CSTPP1: variants seen among roughly 807,000 people sequenced by gnomAD.
The protein encoded by CSTPP1 is UPF0705 protein C11orf49.
chr11:47,086,806 G>T, the CSTPP1 span, among the ~76,000 whole-genome samples: 1 of 152,200 alleles, frequency 6.6e-6, no homozygotes, highest in Non-Finnish European at 1.5e-5. Flanking sequence ...TGATAACTGT[G>T]AAGGGGGTGA....
At chr11:47,161,713 T>C in the CSTPP1 span, 1 of 1,518,042 alleles carries the variant, frequency 6.6e-7, no homozygotes, top group Non-Finnish European at 8.8e-7. Flanking sequence ...CCCAGCCTCC[T>C]CTCCAGCACC....
the CSTPP1 span, chr11:47,162,288 A>AG: frequency 4.1e-6 from 4 of 983,454 alleles, no homozygotes; most frequent in Non-Finnish European, 4.8e-6. Context: ...GAGAAGGGAG[A>AG]GGGGGAGTTT....
chr11:47,134,833 A>C, the CSTPP1 span, among the ~76,000 whole-genome samples: 1 of 152,182 alleles, frequency 6.6e-6, no homozygotes, highest in Admixed American at 6.5e-5. Context: ...TTAGGTGTTT[A>C]AGTGTCCAAA....
At chr11:47,142,133 C>T in the CSTPP1 span, among the ~76,000 whole-genome samples, 3 of 151,086 alleles carry the variant, frequency 2.0e-5, no homozygotes, top group Non-Finnish European at 2.9e-5. Context: ...GTCCCAGCTA[C>T]TTGGGAGCCT....
chr11:47,042,754 T>C, the CSTPP1 span, among the ~76,000 whole-genome samples: 1 of 152,178 alleles, frequency 6.6e-6, no homozygotes, highest in African/African-American at 2.4e-5. Context: ...TTTAAGATAT[T>C]TTTAGGAACT....
chr11:47,144,577 G>A, the CSTPP1 span, among the ~76,000 whole-genome samples: 1 of 152,136 alleles, frequency 6.6e-6, no homozygotes, highest in East Asian at 1.9e-4. Context: ...GGTTTCCAAA[G>A]GCAATGCTTC....
chr11:47,076,362 A>G, the CSTPP1 span, among the ~76,000 whole-genome samples: 1 of 152,230 alleles, frequency 6.6e-6, no homozygotes, highest in Non-Finnish European at 1.5e-5. Context: ...TAGGAGTTGC[A>G]CAATGAAATG....
At chr11:47,044,386 G>A in the CSTPP1 span, among the ~76,000 whole-genome samples, 3 of 151,854 alleles carry the variant, frequency 2.0e-5, no homozygotes, top group African/African-American at 4.8e-5. Context: ...ATATACATGT[G>A]TATTTCTTGA....
the CSTPP1 span, among the ~76,000 whole-genome samples, chr11:46,983,145 T>C: frequency 6.6e-6 from 1 of 152,202 alleles, no homozygotes; most frequent in African/African-American, 2.4e-5. Flanking sequence ...TTGAATGCTT[T>C]CTAAAGAAGT....
At chr11:47,049,857 G>A in the CSTPP1 span, among the ~76,000 whole-genome samples, 6 of 152,012 alleles carry the variant, frequency 3.9e-5, no homozygotes, top group Admixed American at 6.6e-5. Flanking sequence ...AACAGGGAGG[G>A]TAGAAAAGAA....
the CSTPP1 span, chr11:47,041,344 A>C: frequency 2.4e-5 from 6 of 248,532 alleles, 1 homozygote; most frequent in Non-Finnish European, 4.2e-5. Flanking sequence ...TGATACAGGT[A>C]ATCTACTCAG....
chr11:47,145,448 C>T, the CSTPP1 span, among the ~76,000 whole-genome samples: 104 of 152,034 alleles, frequency 6.8e-4, no homozygotes, highest in South Asian at 1.0e-3. Context: ...CCCATCTCTA[C>T]TAAATACAAA....
At chr11:47,067,078 T>C in the CSTPP1 span, among the ~76,000 whole-genome samples, 3 of 152,216 alleles carry the variant, frequency 2.0e-5, no homozygotes, top group African/African-American at 7.2e-5. Flanking sequence ...GGTTTTAAGG[T>C]AAAAGTGTGC....
chr11:47,097,432 G>A, the CSTPP1 span, among the ~76,000 whole-genome samples: 1 of 49,648 alleles, frequency 2.0e-5, no homozygotes, highest in East Asian at 5.6e-4. Flanking sequence ...CCGGCCAGCC[G>A]CCCCGTCCGG....
the CSTPP1 span, among the ~76,000 whole-genome samples, chr11:47,141,669 C>T: frequency 2.6e-5 from 4 of 151,464 alleles, no homozygotes; most frequent in African/African-American, 9.7e-5. Context: ...CATAGTGGCT[C>T]ACGCCTGTAA....
At chr11:47,030,479 A>G in the CSTPP1 span, among the ~76,000 whole-genome samples, 2 of 152,216 alleles carry the variant, frequency 1.3e-5, no homozygotes, top group Non-Finnish European at 2.9e-5. Context: ...AGCTATTTAT[A>G]TATAGATCCA....
chr11:46,944,815 A>G, the CSTPP1 span, among the ~76,000 whole-genome samples: 6 of 152,092 alleles, frequency 3.9e-5, no homozygotes, highest in African/African-American at 1.4e-4. Flanking sequence ...CCCATTTTCT[A>G]TCATGGGCGT....
chr11:46,986,223 G>T, the CSTPP1 span, among the ~76,000 whole-genome samples: 1 of 152,108 alleles, frequency 6.6e-6, no homozygotes, highest in African/African-American at 2.4e-5. Flanking sequence ...TCAAACTCAG[G>T]TCTGTCTCAC....
chr11:47,056,077 G>T, the CSTPP1 span, among the ~76,000 whole-genome samples: 8 of 152,162 alleles, frequency 5.3e-5, no homozygotes, highest in African/African-American at 1.9e-4. Context: ...GCAGGGATTG[G>T]TTCCAGGACC....
Sources: allele counts gnomAD v4.1 joint callset (sites outside exome capture counted in the v4.1 genomes callset), GRCh38; gene constraint gnomAD v4.1.1; transcripts MANE v1.5; gene names NCBI Gene and HGNC (gene_info 2026-07-23, HGNC 2026-07-21).